UTP18: variants seen among roughly 807,000 people sequenced by gnomAD.
UTP18 encodes the protein U3 small nucleolar RNA-associated protein 18 homolog.
UTP18 carries 36 observed loss-of-function variants against 61.1 expected under a neutral mutation model. The observed-to-expected ratio is 0.59, with a 90% CI of 0.45 to 0.78. UTP18 has a LOEUF of 0.78. Among genes scored for constraint, UTP18 ranks in the 30% least tolerant of loss-of-function variants. The pLI is 0.00. For missense variants in UTP18, 753 were observed against 693.9 expected (o/e 1.09, Z -0.96); for synonymous variants, 282 against 251.1 (o/e 1.12, Z -1.16).
At chr17:51,286,442 C>A (rs904670009) in intron 10 of UTP18, 1 of 455,700 alleles carries the variant, frequency 2.2e-6, no homozygotes, top group Non-Finnish European at 4.4e-6. Flanking sequence ...TGTCCAGAAA[C>A]TTAGCATACT....
intron 6 of UTP18, among the ~76,000 whole-genome samples, chr17:51,276,821 A>T (rs951715054): frequency 6.6e-6 from 1 of 152,298 alleles, no homozygotes; most frequent in East Asian, 1.9e-4. Context: ...GGACAAACTC[A>T]AGAAATTAGT....
At chr17:51,268,956 C>A (rs769471546) in intron 4 of UTP18, 52 bp downstream of exon 4, 15 of 1,554,282 alleles carry the variant, frequency 9.7e-6, no homozygotes, top group African/African-American at 1.4e-5. Flanking sequence ...TGTTCCTGTT[C>A]GTTATTATTT....
chr17:51,269,315 A>AAC (rs1904428487), intron 4 of UTP18, among the ~76,000 whole-genome samples: 3 of 149,534 alleles, frequency 2.0e-5, no homozygotes, highest in South Asian at 2.1e-4. Flanking sequence ...AAAAAAAAAA[A>AAC]AAAAAAAAAA....
intron 7 of UTP18, among the ~76,000 whole-genome samples, chr17:51,279,202 C>CCCTGTCTT (rs1567702676): frequency 6.6e-6 from 1 of 152,202 alleles, no homozygotes; most frequent in Admixed American, 6.5e-5. Context: ...TGCTCTGTCT[C>CCCTGTCTT]CCTGTCTTCC....
chr17:51,287,780 C>A (rs139488512), intron 10 of UTP18, among the ~76,000 whole-genome samples: 1 of 152,268 alleles, frequency 6.6e-6, no homozygotes, highest in Non-Finnish European at 1.5e-5. Flanking sequence ...GTGAAGGAAT[C>A]AGGATGCAAG....
rs150194892 is a variant in UTP18, at chr17:51,285,256, G to A, written c.1216G>A (p.Val406Ile). The part of the protein sequence containing the change: ...KVYASSGDGE[V>I]YVWDVNSRKC... ...GCTCTTTTATGCAGGGGATGGAGAA[G>A]TTTATGTTTGGGATGTGAACTCAAG... is the stretch of plus-strand genomic sequence containing the variant. The change falls in exon 10 of 14, where the codon GTT becomes ATT. Residue 406 changes from valine to isoleucine, a missense_variant. Val to Ile is a conservative substitution (Grantham distance 29). Transcript: ENST00000225298. The A allele has an allele frequency of 1.0e-3, 1,607 of 1,613,616 alleles. 26 individuals are homozygous for A. The East Asian group carries it at 0.032, about 33-fold the overall frequency.
At position 51,267,252 on chromosome 17, in the gene UTP18, T is replaced by C. The variant is rs549998398; in HGVS notation, c.554+972T>C. Reference sequence around the variant, plus strand: ...TGCTGGGAATACAGAGGTGAGCCACTGTGCTCAGCCATTACCTATCTTTTA... The same window carrying C: ...TGCTGGGAATACAGAGGTGAGCCACCGTGCTCAGCCATTACCTATCTTTTA... On this transcript the variant is annotated intron_variant, in intron 3 of 13. Coordinates refer to ENST00000225298, the MANE Select transcript of UTP18 (RefSeq NM_016001.3). Among the ~76,000 whole-genome samples, 57 of 152,322 alleles carry C rather than the reference T, an allele frequency of 3.7e-4. No individual in the cohort carries two copies. The South Asian group carries it at 0.011, about 30-fold the overall frequency.
intron 1 of UTP18, among the ~76,000 whole-genome samples, chr17:51,261,852 G>GT (rs2144383327): frequency 6.6e-6 from 1 of 152,126 alleles, no homozygotes; most frequent in South Asian, 2.1e-4. Flanking sequence ...CCGCCTTCGG[G>GT]TGCTTGTAGG....
chr17:51,279,879 G>C (rs1465613941), intron 7 of UTP18, 126 bp from the exon 8 acceptor site: 1 of 767,830 alleles, frequency 1.3e-6, no homozygotes, highest in Non-Finnish European at 2.1e-6. Context: ...CGGGGTCTGA[G>C]CCAGGGTTTT....
rs891579960 is a variant in UTP18 at position 51,269,036 on chromosome 17, C to CA, written c.622+133dup. The CA allele has an allele frequency of 9.2e-6, 8 of 868,712 alleles. No homozygotes were observed. In the African/African-American group the frequency reaches 1.4e-4, roughly 15 times the overall value. The allele number at this position is 868,712 out of a possible 1,614,324, so 53.8% of individuals were successfully genotyped here. ...GCTCGGTAGCTCACGCCTGTCATCC[C>CA]AGTGCTTTGGGAGCCCGAGGCGGGT... is the stretch of plus-strand genomic sequence containing the variant. On this transcript the variant is annotated intron_variant, in intron 4 of 13. Coordinates refer to ENST00000225298, the MANE Select transcript of UTP18 (RefSeq NM_016001.3).
chr17:51,285,279 A>T lies in UTP18; in HGVS notation c.1239A>T (p.Ser413=). The T allele has an allele frequency of 6.2e-7, 1 of 1,613,918 alleles. No individual in the cohort carries two copies. Among genetic ancestry groups the T allele is most frequent in the African/African-American group, 1.3e-5 (1 of 75,032 alleles). ...AAGTTTATGTTTGGGATGTGAACTC[A>T]AGGAAGTGCCTTAACAGATTTGTTG... ...DGEVYVWDVN[S]RKCLNRFVDE... The change falls in exon 10 of 14, where the codon TCA becomes TCT. Residue 413 remains serine, a synonymous_variant. Transcript: ENST00000225298.
Position 51,263,292 on chromosome 17 carries a change from T to A in UTP18, c.361T>A (p.Ser121Thr). Residue 121 changes from serine (S) to threonine (T), a missense_variant, in exon 2 of 14, where the codon TCG becomes ACG. Physicochemically the swap from Ser to Thr is moderately conservative, Grantham distance 58 (BLOSUM62 1). Coordinates refer to ENST00000225298, the MANE Select transcript of UTP18 (RefSeq NM_016001.3). The part of the protein sequence containing the change: ...RGPRVQEHED[S>T]GDSEVENEAK... ...GCTGTAGGTTCAAGAACATGAAGAC[T>A]CGGGTGACTCAGAAGTGGAGAATGA... 1 of 1,614,194 alleles carries A rather than the reference T, an allele frequency of 6.2e-7. No homozygotes were observed. The highest frequency in any genetic ancestry group is 8.5e-7 in the Non-Finnish European group (1 of 1,180,026).
rs2144447913 is a variant in UTP18 at position 51,293,774 on chromosome 17, CTG to C, written c.1504-127_1504-126del. The C allele has an allele frequency of 4.1e-6, 3 of 727,758 alleles. No homozygotes were observed. In the Admixed American group the frequency reaches 1.1e-4, roughly 26 times the overall value. 45.1% of individuals were successfully genotyped at this position (727,758 alleles called of 1,614,324 possible). The stretch of plus-strand genomic sequence containing the variant: ...TGGAACACTTTGCTGCACTAATAGA[CTG>C]TACTTTCTTGTGTGCTACAATCAAA... On this transcript the variant is annotated intron_variant, in intron 11 of 13. Coordinates refer to ENST00000225298, the MANE Select transcript of UTP18 (RefSeq NM_016001.3).
chr17:51,293,892 A>G lies in UTP18; in HGVS notation c.1504-11A>G, dbSNP rs761069636. On this transcript the variant is annotated splice_polypyrimidine_tract_variant and intron_variant, in intron 11 of 13. Coordinates refer to ENST00000225298, the MANE Select transcript of UTP18 (RefSeq NM_016001.3). ...TTGTTACACTTTAAAGTTTTTTATT[A>G]TCTCCTGCAGGTTCATCTTCCTTCC... The G allele has an allele frequency of 1.9e-5, 29 of 1,544,074 alleles. No individual in the cohort carries two copies. The East Asian group carries it at 5.8e-4, about 31-fold the overall frequency.
intron 9 of UTP18, among the ~76,000 whole-genome samples, chr17:51,284,986 G>A (rs190567294): frequency 5.3e-5 from 8 of 152,002 alleles, no homozygotes; most frequent in Admixed American, 5.2e-4. Flanking sequence ...ACTTGAACCC[G>A]GGAGAAGGAG....
chr17:51,291,980 C>T (rs559516350), intron 11 of UTP18, among the ~76,000 whole-genome samples: 2 of 152,250 alleles, frequency 1.3e-5, no homozygotes, highest in African/African-American at 4.8e-5. Flanking sequence ...TCCTGATCAT[C>T]TGCTTTCCTG....
intron 11 of UTP18, among the ~76,000 whole-genome samples, chr17:51,292,022 A>C (rs1288665394): frequency 2.0e-5 from 3 of 152,160 alleles, no homozygotes; most frequent in Non-Finnish European, 4.4e-5. Flanking sequence ...TAGTTGGGGC[A>C]TGCTTGAAGG....
intron 2 of UTP18, among the ~76,000 whole-genome samples, chr17:51,264,140 G>A (rs939696230): frequency 1.3e-5 from 2 of 151,682 alleles, no homozygotes; most frequent in African/African-American, 4.8e-5. Flanking sequence ...GGGTTCAAGC[G>A]ATTCTCCTGC....
chr17:51,260,561 C>T lies in UTP18; in HGVS notation c.-24C>T, dbSNP rs1480581303. The stretch of plus-strand genomic sequence containing the variant: ...GCGCAGCGAGGTTCCACGTGAGCGC[C>T]TGCGTTTCTCCTCAAACCTAACGAT... On this transcript the variant is annotated 5_prime_UTR_variant, in exon 1 of 14. Transcript: ENST00000225298. 1.4e-5 allele frequency: 23 copies of T among 1,600,382 alleles called. No homozygotes were observed. Among genetic ancestry groups the T allele is most frequent in the Middle Eastern group, 1.7e-4 (1 of 5,812 alleles).
Sources: gnomAD v4.1 joint callset for allele counts (sites outside exome capture counted in the v4.1 genomes callset) on GRCh38, gnomAD v4.1.1 for gene constraint, MANE v1.5 for transcripts, NCBI Gene and HGNC (gene_info 2026-07-23, HGNC 2026-07-21) for gene names.